The following ADAMTS3 variants were observed in gnomAD, a reference collection of about 807,000 sequenced individuals.
ADAMTS3 encodes the protein ADAM metallopeptidase with thrombospondin type 1 motif 3.
ADAMTS3 carries 73 observed loss-of-function variants against 129.0 expected under a neutral mutation model. The observed-to-expected ratio is 0.57, with a 90% CI of 0.47 to 0.69. The LOEUF (loss-of-function observed/expected upper bound fraction) is 0.69. ADAMTS3 is among the 30% of genes least tolerant of loss of function. ADAMTS3 has a pLI of 0.00. For missense variants in ADAMTS3, 1,457 were observed against 1,514.5 expected (o/e 0.96, Z 0.63); for synonymous variants, 477 against 510.8 (o/e 0.93, Z 0.89).
intron 3 of ADAMTS3, among the ~76,000 whole-genome samples, chr4:72,454,117 T>A (rs1281035896): frequency 6.6e-6 from 1 of 151,454 alleles, no homozygotes; most frequent in East Asian, 1.9e-4. Flanking sequence ...AAAATACTGA[T>A]GAAATAAGTT....
chr4:72,442,602 C>T (rs970134488), intron 3 of ADAMTS3, among the ~76,000 whole-genome samples: 6 of 151,714 alleles, frequency 4.0e-5, no homozygotes, highest in Non-Finnish European at 8.8e-5. Flanking sequence ...TCCACCAGAC[C>T]GCAACTCCAT....
At chr4:72,545,840 CT>C (rs1340761717) in intron 3 of ADAMTS3, among the ~76,000 whole-genome samples, 5 of 152,174 alleles carry the variant, frequency 3.3e-5, no homozygotes, top group Non-Finnish European at 5.9e-5. Context: ...CCCTCAAAAA[CT>C]TTCTTTTCTA....
intron 4 of ADAMTS3, among the ~76,000 whole-genome samples, chr4:72,345,887 TA>T (rs1354500983): frequency 7.9e-5 from 12 of 152,182 alleles, no homozygotes; most frequent in African/African-American, 2.4e-4. Context: ...TGACTGGCAG[TA>T]AAAAACTTCT....
At chr4:72,452,961 G>A (rs1174186790) in intron 3 of ADAMTS3, among the ~76,000 whole-genome samples, 3 of 151,704 alleles carry the variant, frequency 2.0e-5, no homozygotes, top group African/African-American at 7.3e-5. Flanking sequence ...AGCAGTAGGG[G>A]TAGGGGTATG....
intron 4 of ADAMTS3, among the ~76,000 whole-genome samples, chr4:72,406,599 G>C (rs1290189185): frequency 6.6e-6 from 1 of 152,112 alleles, no homozygotes; most frequent in African/African-American, 2.4e-5. Flanking sequence ...CTTTAGTGTA[G>C]TTGTCATTAG....
chr4:72,312,509 C>G lies in ADAMTS3; in HGVS notation c.1746-43G>C, dbSNP rs112935493. 3.6e-3 allele frequency: 5,779 copies of G among 1,596,986 alleles called. 198 individuals carry two copies. In the African/African-American group the frequency reaches 0.069, roughly 19 times the overall value. ...TTTAAAAAGGCCTTTTGGCTTCTGT[C>G]TAGCAGTTGAAGCTTGCAGACACAG... On this transcript the variant is annotated intron_variant, in intron 12 of 21. Coordinates refer to ENST00000286657, the MANE Select transcript of ADAMTS3 (RefSeq NM_014243.3).
intron 11 of ADAMTS3, 75 bp downstream of exon 11, chr4:72,315,783 C>T: frequency 2.1e-6 from 2 of 970,460 alleles, no homozygotes; most frequent in Middle Eastern, 2.2e-4. Context: ...GCTGTGTTTA[C>T]CATTTTCCAG....
chr4:72,539,835 C>T (rs1222156419), intron 3 of ADAMTS3, among the ~76,000 whole-genome samples: 1 of 152,168 alleles, frequency 6.6e-6, no homozygotes, highest in Non-Finnish European at 1.5e-5. Flanking sequence ...CTTGCTCCTC[C>T]TTGCCTTCCG....
Position 72,291,042 on chromosome 4 carries a change from T to A in ADAMTS3, c.2744A>T (p.Glu915Val). Residue 915 changes from glutamate to valine, a missense_variant, in exon 20 of 22, where the codon GAA (glutamate) becomes GTA (valine). Physicochemically the swap from Glu to Val is moderately radical, Grantham distance 121 (BLOSUM62 -2). Transcript: ENST00000286657. ...THPLWVAEEW[E>V]HCTKTCGSSG... ...ACTTCCACAGGTTTTGGTGCAGTGT[T>A]CCCATTCTTCTGCTACCCAGCTGTG... The A allele has an allele frequency of 6.2e-7, 1 of 1,613,958 alleles. No individual in the cohort carries two copies.
chr4:72,362,598 A>C (rs924621990), intron 4 of ADAMTS3, among the ~76,000 whole-genome samples: 2 of 152,164 alleles, frequency 1.3e-5, no homozygotes, highest in Non-Finnish European at 2.9e-5. Context: ...TATATACTTT[A>C]GGAATAATTA....
intron 2 of ADAMTS3, among the ~76,000 whole-genome samples, chr4:72,557,624 T>C (rs1347578868): frequency 6.6e-6 from 1 of 151,874 alleles, no homozygotes; most frequent in Non-Finnish European, 1.5e-5. Flanking sequence ...TAAATTCTTC[T>C]AGTTTTTAAA....
intron 3 of ADAMTS3, among the ~76,000 whole-genome samples, chr4:72,532,023 C>T (rs1314824859): frequency 6.8e-6 from 1 of 147,178 alleles, no homozygotes; most frequent in Non-Finnish European, 1.5e-5. Context: ...TATGACTGAG[C>T]ATTGGGAAAG....
chr4:72,401,319 C>T (rs1721908310), intron 4 of ADAMTS3, among the ~76,000 whole-genome samples: 1 of 151,826 alleles, frequency 6.6e-6, no homozygotes, highest in African/African-American at 2.4e-5. Context: ...GTAATCCCAG[C>T]ACTTTGGGAG....
At chr4:72,327,128 T>C (rs2109816207) in intron 5 of ADAMTS3, among the ~76,000 whole-genome samples, 1 of 152,282 alleles carries the variant, frequency 6.6e-6, no homozygotes, top group East Asian at 1.9e-4. Flanking sequence ...AAAATCATTA[T>C]TTAGACTTTT....
At position 72,306,250 on chromosome 4, in the gene ADAMTS3, T is replaced by C. The variant is rs539792309; in HGVS notation, c.2180-183A>G. 5.1e-4 allele frequency among the ~76,000 whole-genome samples: 78 copies of C among 152,122 alleles called. 2 individuals are homozygous for C. The South Asian group carries it at 0.016, about 31-fold the overall frequency. On this transcript the variant is annotated intron_variant, in intron 15 of 21. Transcript: ENST00000286657. Reference sequence around the variant, plus strand: ...GCTTTTGTGACATCCAACATGAAATTAGAGGCAACTTTTTTTTTTATTAAA... The same window carrying C: ...GCTTTTGTGACATCCAACATGAAATCAGAGGCAACTTTTTTTTTTATTAAA...
chr4:72,305,845 C>T lies in ADAMTS3; in HGVS notation c.2260+142G>A, dbSNP rs144661851. The stretch of plus-strand genomic sequence containing the variant: ...ACGCACATATACGTATGCACATGTA[C>T]GTACATATACGTATGCACATGTATG... On this transcript the variant is annotated intron_variant, in intron 16 of 21. Transcript: ENST00000286657. The T allele has an allele frequency of 2.9e-3, 2,043 of 711,860 alleles. 35 individuals carry two copies. In the African/African-American group the frequency reaches 0.033, roughly 12 times the overall value. The allele number at this position is 711,860 out of a possible 1,614,324, so 44.1% of individuals were successfully genotyped here. A position where few individuals can be genotyped will look rare whatever the true frequency, so the allele number is the denominator to read the frequency against.
intron 3 of ADAMTS3, among the ~76,000 whole-genome samples, chr4:72,490,482 G>C (rs1719711228): frequency 6.6e-6 from 1 of 151,768 alleles, no homozygotes; most frequent in Admixed American, 6.6e-5. Flanking sequence ...GGCAATTTCA[G>C]GTCTTAAGAG....
At chr4:72,344,397 G>T (rs1720220494) in intron 4 of ADAMTS3, among the ~76,000 whole-genome samples, 1 of 152,120 alleles carries the variant, frequency 6.6e-6, no homozygotes, top group South Asian at 2.1e-4. Context: ...TACAAGTTCT[G>T]AATCTAATAC....
chr4:72,562,272 T>C (rs1027989632), intron 2 of ADAMTS3, among the ~76,000 whole-genome samples: 7 of 152,192 alleles, frequency 4.6e-5, no homozygotes, highest in Non-Finnish European at 1.0e-4. Context: ...TTTCCTAAGT[T>C]GCTAGTAGGA....
Sources: gnomAD v4.1 joint callset for allele counts (sites outside exome capture counted in the v4.1 genomes callset) on GRCh38, gnomAD v4.1.1 for gene constraint, MANE v1.5 for transcripts, NCBI Gene and HGNC (gene_info 2026-07-23, HGNC 2026-07-21) for gene names.